The following GUCY1A2 variants were observed in gnomAD, a reference collection of about 807,000 sequenced individuals.
GUCY1A2 encodes the protein guanylate cyclase soluble subunit alpha-2.
A neutral mutation model predicts 63.5 loss-of-function variants in GUCY1A2; 27 were observed. The observed-to-expected ratio is 0.43, with a 90% CI of 0.31 to 0.59. The LOEUF is 0.59. GUCY1A2 is among the 20% of genes least tolerant of loss of function. GUCY1A2 has a pLI of 0.11. For synonymous variants in GUCY1A2, 364 were observed against 343.5 expected, an observed-to-expected ratio of 1.06 and a Z score of -0.66; for missense variants, 768 against 913.3, an observed-to-expected ratio of 0.84 and a Z score of 2.05.
At chr11:106,824,703 A>T (rs1858944170) in intron 4 of GUCY1A2, 1 of 1,127,586 alleles carries the variant, frequency 8.9e-7, no homozygotes, top group Non-Finnish European at 1.2e-6. Context: ...TTAAAAAGCC[A>T]ACTGATACAG....
chr11:106,975,013 C>T (rs1861244400), intron 3 of GUCY1A2, among the ~76,000 whole-genome samples: 1 of 152,102 alleles, frequency 6.6e-6, no homozygotes, highest in South Asian at 2.1e-4. Context: ...TTTTCCTACA[C>T]CCCAACTCCC....
rs1437881535 is a variant in GUCY1A2, at chr11:106,770,317, G to A, written c.1836+6122C>T. 2.6e-5 allele frequency among the ~76,000 whole-genome samples: 4 copies of A among 152,106 alleles called. No homozygotes were observed. In the East Asian group the frequency reaches 7.7e-4, roughly 29 times the overall value. ...TGTTAGGCTGTATTATTTAGAGAAT[G>A]ACAAGAAAAAAATGTCTATACATGT... On this transcript the variant is annotated intron_variant, in intron 6 of 7. Coordinates refer to ENST00000526355, the MANE Select transcript of GUCY1A2 (RefSeq NM_000855.3).
chr11:106,861,687 G>A lies in GUCY1A2; in HGVS notation c.1207-51209C>T, dbSNP rs193170820. ...ATTAGGATTTCCTTTGATATATTAC[G>A]TACTCAAGCTTACAATATGGTAATG... On this transcript the variant is annotated intron_variant, in intron 4 of 7. Transcript: ENST00000526355. Among the ~76,000 whole-genome samples, 35 of 151,938 alleles carry A rather than the reference G, an allele frequency of 2.3e-4. 1 individual carries two copies. Among genetic ancestry groups the A allele is most frequent in the East Asian group, 7.8e-4 (4 of 5,160 alleles).
At chr11:106,931,739 CT>C (rs1860605519) in intron 4 of GUCY1A2, among the ~76,000 whole-genome samples, 1 of 152,090 alleles carries the variant, frequency 6.6e-6, no homozygotes, top group South Asian at 2.1e-4. Context: ...AGAAAGATAA[CT>C]AATTGTATGA....
chr11:106,725,730 T>G (rs1863396466), intron 6 of GUCY1A2, among the ~76,000 whole-genome samples: 1 of 152,200 alleles, frequency 6.6e-6, no homozygotes, highest in Admixed American at 6.5e-5. Flanking sequence ...TTCAGAGTAC[T>G]TTGAGCCAAA....
rs1002873752 is a variant in GUCY1A2 at position 106,810,253 on chromosome 11, T to C, written c.1432A>G (p.Arg478Gly). 3.1e-6 allele frequency: 5 copies of C among 1,613,968 alleles called. No homozygotes were observed. Among genetic ancestry groups the C allele is most frequent in the Non-Finnish European group, 4.2e-6 (5 of 1,179,904 alleles). The change falls in exon 5 of 8, where the codon AGA becomes GGA. Residue 478 changes from arginine to glycine, a missense_variant. Physicochemically the swap from Arg to Gly is moderately radical, Grantham distance 125 (BLOSUM62 -2). This residue lies in a region of GUCY1A2 where 122 missense variants were observed against 238.1 expected (regional missense o/e 0.51). Transcript: ENST00000526355. ...RMDKLKATLE[R>G]THQALEEEKK... ...TCTTCTTCCAGGGCCTGGTGAGTTC[T>C]TTCTAAAGTTGCCTTTAATTTATCC...
chr11:107,006,343 G>A (rs1239999878), intron 1 of GUCY1A2, among the ~76,000 whole-genome samples: 1 of 152,206 alleles, frequency 6.6e-6, no homozygotes, highest in African/African-American at 2.4e-5. Context: ...AGATAGATGT[G>A]ATTTCAGAGA....
chr11:106,801,052 A>C (rs1858589925), intron 5 of GUCY1A2, among the ~76,000 whole-genome samples: 1 of 152,086 alleles, frequency 6.6e-6, no homozygotes, highest in Non-Finnish European at 1.5e-5. Flanking sequence ...ACTGTGCTGA[A>C]ACTATTCTTT....
intron 6 of GUCY1A2, among the ~76,000 whole-genome samples, chr11:106,752,138 TGA>T (rs1300201671): frequency 6.6e-6 from 1 of 152,106 alleles, no homozygotes; most frequent in Non-Finnish European, 1.5e-5. Flanking sequence ...AAGGAGATAG[TGA>T]GTGTTGGAGA....
At chr11:106,727,193 C>T (rs1863422693) in intron 6 of GUCY1A2, among the ~76,000 whole-genome samples, 1 of 152,148 alleles carries the variant, frequency 6.6e-6, no homozygotes, top group Non-Finnish European at 1.5e-5. Flanking sequence ...AGGACAGGAG[C>T]CATTCCCATA....
chr11:106,956,680 C>G (rs1470030637), intron 3 of GUCY1A2, among the ~76,000 whole-genome samples: 1 of 152,134 alleles, frequency 6.6e-6, no homozygotes, highest in East Asian at 1.9e-4. Flanking sequence ...CCTCTGACCT[C>G]GACAGGCACC....
chr11:106,796,474 C>T (rs10789546), intron 5 of GUCY1A2, among the ~76,000 whole-genome samples: 41,819 of 151,940 alleles, frequency 0.28, 5,994 homozygotes, highest in Admixed American at 0.35. Context: ...TTAGTGCTTC[C>T]TTCAGGATGT....
intron 4 of GUCY1A2, among the ~76,000 whole-genome samples, chr11:106,917,218 C>T (rs1407747155): frequency 1.4e-5 from 2 of 145,512 alleles, no homozygotes; most frequent in Non-Finnish European, 3.1e-5. Flanking sequence ...ACTATGAAGC[C>T]ATTTAAAAAG....
At chr11:106,839,060 G>C (rs1254424161) in intron 4 of GUCY1A2, among the ~76,000 whole-genome samples, 1 of 152,076 alleles carries the variant, frequency 6.6e-6, no homozygotes, top group East Asian at 1.9e-4. Context: ...CCATACCTAT[G>C]TCCTGAATGG....
At chr11:106,891,343 A>G (rs1351962493) in intron 4 of GUCY1A2, among the ~76,000 whole-genome samples, 1 of 152,132 alleles carries the variant, frequency 6.6e-6, no homozygotes, top group Non-Finnish European at 1.5e-5. Context: ...TACTCTAGAT[A>G]CAAGTCTATT....
At chr11:106,874,209 C>T (rs1859718531) in intron 4 of GUCY1A2, among the ~76,000 whole-genome samples, 1 of 152,036 alleles carries the variant, frequency 6.6e-6, no homozygotes, top group African/African-American at 2.4e-5. Flanking sequence ...GTGCACTCTC[C>T]CACACAGCTG....
At chr11:106,874,268 G>A (rs945087585) in intron 4 of GUCY1A2, among the ~76,000 whole-genome samples, 1 of 152,116 alleles carries the variant, frequency 6.6e-6, no homozygotes, top group Non-Finnish European at 1.5e-5. Flanking sequence ...AATCCAATAG[G>A]CTGTGGCCTT....
chr11:106,790,205 C>A (rs554787541), intron 5 of GUCY1A2, among the ~76,000 whole-genome samples: 44 of 152,154 alleles, frequency 2.9e-4, no homozygotes, highest in Admixed American at 2.4e-3. Flanking sequence ...GCCCTGAAAC[C>A]ATGATACACC....
chr11:106,872,973 A>G (rs1293971678), intron 4 of GUCY1A2, among the ~76,000 whole-genome samples: 3 of 152,002 alleles, frequency 2.0e-5, no homozygotes, highest in Admixed American at 1.3e-4. Context: ...CCCTGTGTCA[A>G]TGTGGTCTCA....
Sources: allele counts gnomAD v4.1 joint callset (sites outside exome capture counted in the v4.1 genomes callset), GRCh38; gene constraint gnomAD v4.1.1; regional missense constraint gnomAD v4.1.1; transcripts MANE v1.5; gene names NCBI Gene and HGNC (gene_info 2026-07-23, HGNC 2026-07-21).